Variants in R3HDM1 observed in about 807,000 individuals in gnomAD.
The protein encoded by R3HDM1 is R3H domain containing 1, also known as R3H domain-containing protein 1.
Under a neutral mutation model 141.1 loss-of-function variants are expected in R3HDM1, and 46 were observed. The observed-to-expected ratio is 0.33, with a 90% CI of 0.26 to 0.42. The LOEUF (loss-of-function observed/expected upper bound fraction) is 0.42. Among genes scored for constraint, R3HDM1 ranks in the 10% least tolerant of loss-of-function variants. R3HDM1 has a pLI of 1.00. For missense variants in R3HDM1, 1,184 were observed against 1,368.3 expected, an observed-to-expected ratio of 0.87 and a Z score of 2.12; for synonymous variants, 435 against 472.9, an observed-to-expected ratio of 0.92 and a Z score of 1.04.
At chr2:135,625,574 C>G (rs560549848) in intron 7 of R3HDM1, among the ~76,000 whole-genome samples, 1 of 152,282 alleles carries the variant, frequency 6.6e-6, no homozygotes, top group African/African-American at 2.4e-5. Flanking sequence ...TACCTGTAAT[C>G]TCCAAAGAGC....
intron 3 of R3HDM1, among the ~76,000 whole-genome samples, chr2:135,611,610 C>G (rs1307954693): frequency 6.6e-6 from 1 of 151,980 alleles, no homozygotes; most frequent in African/African-American, 2.4e-5. Flanking sequence ...ATTTTCAGTA[C>G]AGTAGTTTTA....
At chr2:135,632,394 ATCT>A (rs1259314008) in intron 9 of R3HDM1, among the ~76,000 whole-genome samples, 1 of 151,892 alleles carries the variant, frequency 6.6e-6, no homozygotes, top group African/African-American at 2.4e-5. Context: ...CATTTAGTTA[ATCT>A]TCTGTCAGTT....
chr2:135,649,799 GTAGT>G (rs1171800383), intron 16 of R3HDM1, 99 bp from the exon 17 acceptor site: 2 of 478,498 alleles, frequency 4.2e-6, no homozygotes, highest in East Asian at 2.3e-4. Flanking sequence ...CTTTATAAAT[GTAGT>G]TAAAGCTATT....
chr2:135,706,906 C>G (rs1033997117), intron 21 of R3HDM1, among the ~76,000 whole-genome samples: 174 of 152,180 alleles, frequency 1.1e-3, no homozygotes, highest in Middle Eastern at 3.4e-3. Context: ...ACCTCCCAGA[C>G]GGGGTGGTGG....
At chr2:135,649,723 A>G (rs1232034036) in intron 16 of R3HDM1, among the ~76,000 whole-genome samples, 179 bp from the exon 17 acceptor site, 6 of 152,208 alleles carry the variant, frequency 3.9e-5, no homozygotes, top group Admixed American at 3.9e-4. Context: ...TGAAAGTTTT[A>G]CTGTATTAGA....
intron 21 of R3HDM1, among the ~76,000 whole-genome samples, chr2:135,702,217 G>GAAAAAA (rs35183953): frequency 1.7e-5 from 2 of 120,858 alleles, no homozygotes; most frequent in African/African-American, 3.9e-5. Context: ...GTCTCAGGGG[G>GAAAAAA]AAAAAAAAAA....
intron 1 of R3HDM1, among the ~76,000 whole-genome samples, chr2:135,568,369 G>A (rs1010953235): frequency 1.4e-5 from 2 of 147,000 alleles, no homozygotes; most frequent in African/African-American, 2.5e-5. Context: ...GTTTGTTTGA[G>A]GCGGAGTTTT....
intron 1 of R3HDM1, among the ~76,000 whole-genome samples, chr2:135,580,046 C>G (rs568393907): frequency 6.6e-6 from 1 of 151,984 alleles, no homozygotes; most frequent in African/African-American, 2.4e-5. Flanking sequence ...ATCACTTGAG[C>G]CCAGGAGTTC....
chr2:135,661,903 A>G (rs1216799029), intron 19 of R3HDM1, among the ~76,000 whole-genome samples: 1 of 152,250 alleles, frequency 6.6e-6, no homozygotes, highest in Non-Finnish European at 1.5e-5. Context: ...ATTGATTGAT[A>G]GTGAAAAGTA....
chr2:135,624,682 C>T (rs2061830655), intron 7 of R3HDM1, among the ~76,000 whole-genome samples: 1 of 152,132 alleles, frequency 6.6e-6, no homozygotes, highest in Admixed American at 6.6e-5. Flanking sequence ...AGTAATTAAA[C>T]TGGATTTTAA....
chr2:135,616,224 C>G, intron 4 of R3HDM1, 31 bp downstream of exon 4: 7 of 1,583,634 alleles, frequency 4.4e-6, no homozygotes, highest in Admixed American at 1.7e-5. Flanking sequence ...TGCTGGCATG[C>G]CAAGGGCCTT....
chr2:135,714,922 G>A (rs971707055), intron 23 of R3HDM1, among the ~76,000 whole-genome samples: 1 of 152,164 alleles, frequency 6.6e-6, no homozygotes, highest in African/African-American at 2.4e-5. Flanking sequence ...AAAAGAGTGA[G>A]TTCGCTGTAT....
chr2:135,598,529 T>G (rs1386638414), intron 1 of R3HDM1, among the ~76,000 whole-genome samples: 1 of 152,182 alleles, frequency 6.6e-6, no homozygotes, highest in African/African-American at 2.4e-5. Context: ...GATACAGTAT[T>G]GCGGGTAAGA....
chr2:135,724,563 T>C lies in R3HDM1; in HGVS notation c.*271T>C. On this transcript the variant is annotated 3_prime_UTR_variant, in exon 27 of 27. Coordinates refer to ENST00000683871, the MANE Select transcript of R3HDM1 (RefSeq NM_001378107.1). ...AATGCCTCCTAACTTTTATAGTTATTTTGTTTTATATTTCTAAATTCTTGT... is the reference window on the plus strand; with the variant it reads ...AATGCCTCCTAACTTTTATAGTTATCTTGTTTTATATTTCTAAATTCTTGT... 6.2e-6 allele frequency: 2 copies of C among 323,094 alleles called. No homozygotes were observed. Among genetic ancestry groups the C allele is most frequent in the Non-Finnish European group, 1.1e-5 (2 of 178,440 alleles). The allele number at this position is 323,094 out of a possible 1,614,324, so 20.0% of individuals were successfully genotyped here.
rs143017875 is a variant in R3HDM1 at position 135,669,567 on chromosome 2, A to G, written c.2153-5765A>G. On this transcript the variant is annotated intron_variant, in intron 19 of 26. Transcript: ENST00000683871. Reference sequence around the variant, plus strand: ...AGGCCAGGTTCTGCTTATTTGAACAATATTACTGTAATACTTTTTCTTCTT... The same window carrying G: ...AGGCCAGGTTCTGCTTATTTGAACAGTATTACTGTAATACTTTTTCTTCTT... 3.5e-4 allele frequency: 342 copies of G among 985,354 alleles called. 2 individuals are homozygous for G. The African/African-American group carries it at 5.1e-3, about 15-fold the overall frequency. 61.0% of individuals were successfully genotyped at this position (985,354 alleles called of 1,614,324 possible). A position where few individuals can be genotyped will look rare whatever the true frequency, so the allele number is the denominator to read the frequency against.
At chr2:135,712,403 G>A (rs938054215) in intron 23 of R3HDM1, among the ~76,000 whole-genome samples, 47 of 147,784 alleles carry the variant, frequency 3.2e-4, no homozygotes, top group Non-Finnish European at 4.0e-4. Flanking sequence ...AGCTGAGACC[G>A]CATGCACACC....
chr2:135,616,050 C>G, intron 3 of R3HDM1, 102 bp from the exon 4 acceptor site: 1 of 1,164,724 alleles, frequency 8.6e-7, no homozygotes. Flanking sequence ...ACTTTTCATA[C>G]TTTATGCACA....
chr2:135,542,903 G>C (rs1697922338), intron 1 of R3HDM1, among the ~76,000 whole-genome samples: 1 of 152,032 alleles, frequency 6.6e-6, no homozygotes, highest in African/African-American at 2.4e-5. Context: ...CATGCTGCTA[G>C]TATTTATATT....
At chr2:135,591,972 A>G (rs1375988250) in intron 1 of R3HDM1, among the ~76,000 whole-genome samples, 1 of 152,170 alleles carries the variant, frequency 6.6e-6, no homozygotes, top group Non-Finnish European at 1.5e-5. Context: ...AGGGAGGCTC[A>G]CCCAAGCTTC....
Sources: allele counts gnomAD v4.1 joint callset (sites outside exome capture counted in the v4.1 genomes callset), GRCh38; gene constraint gnomAD v4.1.1; transcripts MANE v1.5; gene names NCBI Gene and HGNC (gene_info 2026-07-23, HGNC 2026-07-21).